KIAA1671: variants seen among roughly 807,000 people sequenced by gnomAD.
The protein encoded by KIAA1671 is uncharacterized protein KIAA1671.
A neutral mutation model predicts 131.2 loss-of-function variants in KIAA1671; 52 were observed. The observed-to-expected ratio is 0.40, with a 90% confidence interval of 0.32 to 0.50. KIAA1671 has a LOEUF of 0.50. KIAA1671 is among the 20% of genes least tolerant of loss of function. The pLI is 0.73. For synonymous variants in KIAA1671, 1,003 were observed against 961.6 expected, an observed-to-expected ratio of 1.04 and a Z score of -0.80; for missense variants, 2,360 against 2,364.2, an observed-to-expected ratio of 1.00 and a Z score of 0.04.
intron 6 of KIAA1671, chr22:25,053,301 C>T (rs6004408): frequency 0.21 from 31,676 of 152,130 alleles, 3,450 homozygotes; most frequent in Middle Eastern, 0.28. Context: ...AATCCAAGTC[C>T]TGTATCAGGC....
intron 1 of KIAA1671, among the ~76,000 whole-genome samples, chr22:25,001,646 T>A (rs1924486938): frequency 6.6e-6 from 1 of 151,836 alleles, no homozygotes; most frequent in South Asian, 2.1e-4. Context: ...AGGATTAGAG[T>A]GGGACATGAT....
intron 3 of KIAA1671, 35 bp downstream of exon 3, chr22:25,029,575 G>A (rs1279420851): frequency 4.9e-6 from 7 of 1,432,726 alleles, no homozygotes; most frequent in Middle Eastern, 1.8e-4. Context: ...TCTCTCAGCC[G>A]CCCACCCACA....
rs201747525 is a variant in KIAA1671, at chr22:25,041,372, C to T, written c.4242C>T (p.Pro1414=). ...AGAGGGCCTACTCAGAGAAGGGGCC[C>T]CCTGCCAACATCCGAGAGGGCCTGT... The part of the protein sequence containing the change: ...DIKRAYSEKG[P]PANIREGLSI... The change falls in exon 5 of 13, where the codon CCC becomes CCT. Residue 1414 remains proline (P), a synonymous_variant. Coordinates refer to ENST00000358431, the MANE Select transcript of KIAA1671 (RefSeq NM_001145206.2). 0.011 allele frequency: 16,994 copies of T among 1,551,708 alleles called. 140 individuals are homozygous for T. The highest frequency in any genetic ancestry group is 0.029 in the African/African-American group (2,137 of 73,158).
chr22:25,179,317 A>C, intron 9 of KIAA1671: 1 of 1,585,336 alleles, frequency 6.3e-7, no homozygotes, highest in African/African-American at 1.3e-5. Flanking sequence ...CCTTAGCCCG[A>C]CATCTCCTCT....
At chr22:24,997,702 G>A (rs1924212858) in intron 1 of KIAA1671, among the ~76,000 whole-genome samples, 1 of 152,090 alleles carries the variant, frequency 6.6e-6, no homozygotes, top group African/African-American at 2.4e-5. Context: ...GAGGCCACTC[G>A]AAGTTTGGGG....
chr22:25,065,983 C>G (rs1928456613), intron 6 of KIAA1671, among the ~76,000 whole-genome samples: 1 of 152,012 alleles, frequency 6.6e-6, no homozygotes, highest in Admixed American at 6.6e-5. Context: ...TCTCACAGTT[C>G]TGGAGGCTGG....
intron 6 of KIAA1671, among the ~76,000 whole-genome samples, chr22:25,118,374 C>G (rs1169739033): frequency 6.6e-6 from 1 of 152,038 alleles, no homozygotes; most frequent in Non-Finnish European, 1.5e-5. Context: ...TCCTGGATTA[C>G]CTAGGATGAT....
At position 25,195,171 on chromosome 22, in the gene KIAA1671, C is replaced by A. The variant is rs1475964053; in HGVS notation, c.*2770C>A. The stretch of plus-strand genomic sequence containing the variant: ...ATCCTCTATATGTACAATCTCTCTC[C>A]CCCTCATTTCTCTTCCTCCTCACCT... On this transcript the variant is annotated 3_prime_UTR_variant, in exon 13 of 13. Coordinates refer to ENST00000358431, the MANE Select transcript of KIAA1671 (RefSeq NM_001145206.2). The A allele has an allele frequency of 1.3e-5, 2 of 152,028 alleles. No homozygotes were observed. The highest frequency in any genetic ancestry group is 4.8e-5 in the African/African-American group (2 of 41,392). The allele number at this position is 152,028 out of a possible 1,614,324, so 9.4% of individuals were successfully genotyped here.
At chr22:25,090,137 G>C (rs1929952786) in intron 6 of KIAA1671, among the ~76,000 whole-genome samples, 2 of 152,260 alleles carry the variant, frequency 1.3e-5, no homozygotes, top group Non-Finnish European at 2.9e-5. Context: ...CAGCTCCTTA[G>C]AAGAAGTCTC....
intron 1 of KIAA1671, among the ~76,000 whole-genome samples, chr22:24,956,218 G>A (rs189756328): frequency 6.6e-5 from 10 of 152,244 alleles, no homozygotes; most frequent in African/African-American, 2.4e-4. Flanking sequence ...GTCTACCTGG[G>A]GTAAGGAAAC....
intron 6 of KIAA1671, among the ~76,000 whole-genome samples, chr22:25,099,481 A>C (rs1930546590): frequency 6.9e-6 from 1 of 144,538 alleles, no homozygotes; most frequent in African/African-American, 2.6e-5. Context: ...ATGAGTGTTG[A>C]TTTAGCCTGG....
Position 25,109,007 on chromosome 22 carries a change from C to T in KIAA1671, c.4530+59643C>T, listed in dbSNP as rs545780452. On this transcript the variant is annotated intron_variant, in intron 6 of 12. Transcript: ENST00000358431. ...GGGTTTCTGTGTGTGACTGCTTGAG[C>T]ATCCTCACAACATGGCGGCTGGCTT... 2.5e-4 allele frequency among the ~76,000 whole-genome samples: 38 copies of T among 152,286 alleles called. 1 individual carries two copies. The South Asian group carries it at 7.0e-3, about 28-fold the overall frequency.
intron 1 of KIAA1671, among the ~76,000 whole-genome samples, chr22:24,965,740 C>CAAAAAA (rs767916092): frequency 3.4e-3 from 151 of 44,460 alleles, no homozygotes; most frequent in Middle Eastern, 0.024. Context: ...AACTCCATCT[C>CAAAAAA]AAAAAAAAAA....
At chr22:25,103,845 A>G (rs1930843594) in intron 6 of KIAA1671, among the ~76,000 whole-genome samples, 1 of 152,240 alleles carries the variant, frequency 6.6e-6, no homozygotes, top group Non-Finnish European at 1.5e-5. Flanking sequence ...AAAATGGGGA[A>G]CATCACTAAT....
intron 6 of KIAA1671, among the ~76,000 whole-genome samples, chr22:25,117,108 A>G (rs68026897): frequency 0.12 from 18,110 of 152,208 alleles, 1,138 homozygotes; most frequent in Non-Finnish European, 0.15. Flanking sequence ...GACATTGCCA[A>G]GTCTCTTGGG....
chr22:25,104,440 G>C (rs1930884026), intron 6 of KIAA1671, among the ~76,000 whole-genome samples: 1 of 152,204 alleles, frequency 6.6e-6, no homozygotes. Context: ...AGGTGGGAGA[G>C]GAGGGGAAGG....
intron 7 of KIAA1671, among the ~76,000 whole-genome samples, chr22:25,172,504 C>T (rs371875087): frequency 6.6e-6 from 1 of 152,300 alleles, no homozygotes; most frequent in South Asian, 2.1e-4. Context: ...ACAGAAAGCA[C>T]GATGAAATGC....
At chr22:25,059,296 G>C (rs1178088784) in intron 6 of KIAA1671, 2 of 152,062 alleles carry the variant, frequency 1.3e-5, no homozygotes, top group African/African-American at 2.4e-5. Context: ...GTGAAACCCC[G>C]TTTCTACTAA....
At chr22:25,183,455 TCC>T (rs1170378807) in intron 10 of KIAA1671, among the ~76,000 whole-genome samples, 3 of 61,838 alleles carry the variant, frequency 4.9e-5, no homozygotes, top group African/African-American at 2.1e-4. Context: ...CCTCCCTCCC[TCC>T]CTCCCTCTCT....
Sources: allele counts gnomAD v4.1 joint callset (sites outside exome capture counted in the v4.1 genomes callset), GRCh38; gene constraint gnomAD v4.1.1; transcripts MANE v1.5; gene names NCBI Gene and HGNC (gene_info 2026-07-23, HGNC 2026-07-21).